Variants in ARB2A observed in about 807,000 individuals in gnomAD.
The protein encoded by ARB2A is cotranscriptional regulator ARB2A.
the ARB2A span, among the ~76,000 whole-genome samples, chr5:94,045,744 AT>A: frequency 5.3e-5 from 8 of 152,200 alleles, no homozygotes. Context: ...AAAAACATGT[AT>A]TTTTTAAAAA....
At chr5:93,745,301 C>T in the ARB2A span, among the ~76,000 whole-genome samples, 2 of 152,204 alleles carry the variant, frequency 1.3e-5, no homozygotes, top group African/African-American at 4.8e-5. Flanking sequence ...GTGATTTCCA[C>T]TCACATACAT....
the ARB2A span, among the ~76,000 whole-genome samples, chr5:93,954,582 G>A: frequency 6.6e-6 from 1 of 151,870 alleles, no homozygotes; most frequent in Admixed American, 6.6e-5. Flanking sequence ...TGCGAGCTGT[G>A]TTGCCTGGGT....
the ARB2A span, among the ~76,000 whole-genome samples, chr5:93,718,311 T>C: frequency 1.3e-5 from 2 of 151,792 alleles, no homozygotes; most frequent in African/African-American, 4.8e-5. Context: ...TGTTGGCGGG[T>C]GCCTGTAGTC....
the ARB2A span, among the ~76,000 whole-genome samples, chr5:94,104,393 A>C: frequency 6.6e-6 from 1 of 151,968 alleles, no homozygotes; most frequent in Non-Finnish European, 1.5e-5. Flanking sequence ...ACCTACACAA[A>C]CTAGAAATCT....
chr5:93,881,558 A>G, the ARB2A span: 1 of 1,610,976 alleles, frequency 6.2e-7, no homozygotes, highest in South Asian at 1.1e-5. Context: ...TTCTTTAGAA[A>G]CTTTATCTTT....
chr5:93,904,211 G>A, the ARB2A span, among the ~76,000 whole-genome samples: 16 of 151,878 alleles, frequency 1.1e-4, no homozygotes, highest in South Asian at 2.1e-4. Flanking sequence ...TTATTCCTTC[G>A]CATAATGCAC....
chr5:93,998,086 ACT>A, the ARB2A span, among the ~76,000 whole-genome samples: 26 of 152,004 alleles, frequency 1.7e-4, no homozygotes, highest in East Asian at 5.0e-3. Flanking sequence ...CAACTTGTGC[ACT>A]CTCTCCTGTA....
the ARB2A span, among the ~76,000 whole-genome samples, chr5:93,674,538 G>A: frequency 6.6e-6 from 1 of 152,136 alleles, no homozygotes; most frequent in Non-Finnish European, 1.5e-5. Flanking sequence ...AGAATAAAAT[G>A]ATCAATATGT....
the ARB2A span, among the ~76,000 whole-genome samples, chr5:94,087,774 C>T: frequency 0.08 from 12,243 of 152,120 alleles, 716 homozygotes; most frequent in Middle Eastern, 0.15. Context: ...TGTTTATATA[C>T]GTTTAAATAA....
At chr5:94,069,804 T>A in the ARB2A span, among the ~76,000 whole-genome samples, 13,505 of 152,192 alleles carry the variant, frequency 0.089, 769 homozygotes, top group Middle Eastern at 0.16. Context: ...CTGATGAGGC[T>A]GTAGAGAAAA....
the ARB2A span, among the ~76,000 whole-genome samples, chr5:94,070,094 T>G: frequency 4.9e-5 from 7 of 143,454 alleles, no homozygotes; most frequent in African/African-American, 1.8e-4. Context: ...CACAATGGAA[T>G]ACTATTTGAC....
At chr5:93,936,790 A>C in the ARB2A span, among the ~76,000 whole-genome samples, 51 of 152,152 alleles carry the variant, frequency 3.4e-4, no homozygotes, top group Non-Finnish European at 6.6e-4. Flanking sequence ...TTTGGGAGAC[A>C]AAAATTTTAA....
chr5:93,762,788 G>C, the ARB2A span, among the ~76,000 whole-genome samples: 1 of 152,170 alleles, frequency 6.6e-6, no homozygotes, highest in Admixed American at 6.5e-5. Flanking sequence ...AAAATGTTAA[G>C]AGCAGCCAGA....
chr5:93,871,543 G>C, the ARB2A span, among the ~76,000 whole-genome samples: 5 of 152,060 alleles, frequency 3.3e-5, no homozygotes, highest in Admixed American at 3.3e-4. Context: ...TCTGTTTGAG[G>C]CCGAGTTTTC....
the ARB2A span, among the ~76,000 whole-genome samples, chr5:93,915,737 C>T: frequency 6.6e-6 from 1 of 151,972 alleles, no homozygotes; most frequent in Admixed American, 6.6e-5. Context: ...CTCCCTCCCT[C>T]AAATCCTCAA....
the ARB2A span, among the ~76,000 whole-genome samples, chr5:94,042,314 CTTT>C: frequency 9.7e-6 from 1 of 103,064 alleles, no homozygotes; most frequent in Non-Finnish European, 1.9e-5. Context: ...AAAAGATCAG[CTTT>C]TTTTTTTTTT....
the ARB2A span, chr5:94,050,900 A>C: frequency 7.4e-6 from 8 of 1,077,646 alleles, no homozygotes; most frequent in Non-Finnish European, 9.3e-6. Context: ...CAGTACAACA[A>C]AGAATGTCTG....
the ARB2A span, among the ~76,000 whole-genome samples, chr5:93,860,158 T>C: frequency 0.92 from 139,418 of 152,156 alleles, 64,155 homozygotes; most frequent in East Asian, 1. Flanking sequence ...CCGGGTGTTG[T>C]GGCACACACC....
the ARB2A span, among the ~76,000 whole-genome samples, chr5:94,099,965 A>C: frequency 1.3e-5 from 2 of 152,156 alleles, no homozygotes; most frequent in Non-Finnish European, 2.9e-5. Context: ...GGAAGAAATA[A>C]AGGGCATCCA....
Sources: gnomAD v4.1 joint callset for allele counts (sites outside exome capture counted in the v4.1 genomes callset) on GRCh38, gnomAD v4.1.1 for gene constraint, MANE v1.5 for transcripts, NCBI Gene and HGNC (gene_info 2026-07-23, HGNC 2026-07-21) for gene names.